The following UBTD1 variants were observed in gnomAD, a reference collection of about 807,000 sequenced individuals.
UBTD1 encodes the protein ubiquitin domain containing 1, also known as ubiquitin domain-containing protein 1.
In UBTD1, 19 loss-of-function variants were observed where a neutral mutation model predicts 21.7. The observed-to-expected ratio is 0.87, with a 90% CI of 0.61 to 1.28. UBTD1 has a LOEUF of 1.28. Ranked by LOEUF, UBTD1 falls within the 50% of genes most tolerant of loss-of-function variation. The pLI, the probability that UBTD1 is intolerant of heterozygous loss-of-function variation, is 0.00. For synonymous variants in UBTD1, 116 were observed against 135.1 expected, an observed-to-expected ratio of 0.86 and a Z score of 0.98; for missense variants, 282 against 315.1, an observed-to-expected ratio of 0.89 and a Z score of 0.80.
intron 1 of UBTD1, among the ~76,000 whole-genome samples, chr10:97,518,074 G>A (rs2040452181): frequency 1.3e-5 from 2 of 152,202 alleles, no homozygotes; most frequent in South Asian, 4.1e-4. Flanking sequence ...AAATCTTGGA[G>A]CACTTGTTTC....
At chr10:97,546,152 C>CCT (rs1564741962) in intron 1 of UBTD1, among the ~76,000 whole-genome samples, 1 of 152,192 alleles carries the variant, frequency 6.6e-6, no homozygotes, top group African/African-American at 2.4e-5. Context: ...ATGGTGAACA[C>CCT]CTCAGTTCAG....
intron 1 of UBTD1, among the ~76,000 whole-genome samples, chr10:97,563,964 G>A (rs754323483): frequency 1.3e-5 from 2 of 152,194 alleles, no homozygotes; most frequent in Non-Finnish European, 2.9e-5. Flanking sequence ...GGAGGAAGAG[G>A]AGAGATCAGG....
chr10:97,530,351 ATGCTGGAGCCCAGGAGTTTGAGGC>A (rs1469545184), intron 1 of UBTD1, among the ~76,000 whole-genome samples: 1 of 152,198 alleles, frequency 6.6e-6, no homozygotes, highest in African/African-American at 2.4e-5. Flanking sequence ...GGCAGGGGGA[ATGCTGGAGCCCAGGAGTTTGAGGC>A]TGCAGTGAGT....
intron 2 of UBTD1, among the ~76,000 whole-genome samples, chr10:97,568,424 A>T (rs963270391): frequency 5.4e-5 from 8 of 147,972 alleles, no homozygotes; most frequent in African/African-American, 1.5e-4. Flanking sequence ...TTTTTATTTT[A>T]TTTTTTTTTT....
chr10:97,511,064 C>T (rs1000021802), intron 1 of UBTD1, among the ~76,000 whole-genome samples: 2 of 152,072 alleles, frequency 1.3e-5, no homozygotes, highest in African/African-American at 2.4e-5. Context: ...CATTGTCAGC[C>T]GCAGATACCT....
chr10:97,545,893 T>C (rs142553065), intron 1 of UBTD1, among the ~76,000 whole-genome samples: 154 of 152,312 alleles, frequency 1.0e-3, no homozygotes, highest in African/African-American at 3.2e-3. Flanking sequence ...CTCAGCTCAC[T>C]GCAACCTTAG....
At chr10:97,548,910 G>C (rs1380488562) in intron 1 of UBTD1, among the ~76,000 whole-genome samples, 1 of 152,236 alleles carries the variant, frequency 6.6e-6, no homozygotes, top group Admixed American at 6.5e-5. Flanking sequence ...AGCTCTGGGA[G>C]ACCACCCTTC....
intron 1 of UBTD1, among the ~76,000 whole-genome samples, chr10:97,549,654 A>G (rs2040627180): frequency 1.3e-5 from 2 of 152,142 alleles, no homozygotes; most frequent in South Asian, 4.1e-4. Flanking sequence ...CTGTACCTCT[A>G]GAGATGCCCG....
At chr10:97,518,693 G>C (rs10882951) in intron 1 of UBTD1, among the ~76,000 whole-genome samples, 83,803 of 152,066 alleles carry the variant, frequency 0.55, 24,057 homozygotes, top group East Asian at 0.93. Flanking sequence ...TGTTCTTGTC[G>C]TTGACTGGAG....
At position 97,548,430 on chromosome 10, in the gene UBTD1, A is replaced by G. The variant is rs182471432; in HGVS notation, c.71-19484A>G. ...GTGCGGTAATTCCCACCTATGTCTT[A>G]CTCTGCTTGTGAAGTATAGTATTCT... On this transcript the variant is annotated intron_variant, in intron 1 of 2. Coordinates refer to ENST00000370664, the MANE Select transcript of UBTD1 (RefSeq NM_024954.5). Among the ~76,000 whole-genome samples, 4 of 152,322 alleles carry G rather than the reference A, an allele frequency of 2.6e-5. No individual in the cohort carries two copies. The East Asian group carries it at 7.7e-4, about 29-fold the overall frequency.
chr10:97,538,957 A>G (rs1032053246), intron 1 of UBTD1, among the ~76,000 whole-genome samples: 1 of 152,144 alleles, frequency 6.6e-6, no homozygotes, highest in Non-Finnish European at 1.5e-5. Context: ...GAACCATGTT[A>G]CAGATGAGTG....
chr10:97,508,671 C>A (rs898321427), intron 1 of UBTD1, among the ~76,000 whole-genome samples: 1 of 152,146 alleles, frequency 6.6e-6, no homozygotes, highest in African/African-American at 2.4e-5. Flanking sequence ...TTTCCTTTCA[C>A]ATTGCTGTCC....
At position 97,522,755 on chromosome 10, in the gene UBTD1, G is replaced by A. The variant is rs985086420; in HGVS notation, c.70+23482G>A. 1.7e-4 allele frequency among the ~76,000 whole-genome samples: 26 copies of A among 152,176 alleles called. 1 individual carries two copies. The highest frequency in any genetic ancestry group is 1.2e-3 in the Admixed American group (18 of 15,280). The stretch of plus-strand genomic sequence containing the variant: ...GTACCTGGCTGGTGGGTGAAGGTGA[G>A]GGTGGGGATAGACATGTAGGAGCCA... On this transcript the variant is annotated intron_variant, in intron 1 of 2. Transcript: ENST00000370664.
intron 1 of UBTD1, among the ~76,000 whole-genome samples, chr10:97,564,316 AC>A (rs1180757884): frequency 6.6e-6 from 1 of 152,166 alleles, no homozygotes; most frequent in Admixed American, 6.5e-5. Context: ...AATGGACTGT[AC>A]CTTCAAATGG....
At chr10:97,554,247 G>GTT (rs71007352) in intron 1 of UBTD1, among the ~76,000 whole-genome samples, 35,762 of 134,708 alleles carry the variant, frequency 0.27, 5,384 homozygotes, top group East Asian at 0.49. Context: ...GTTTGTTTTC[G>GTT]TTTTTTTTTT....
Position 97,570,222 on chromosome 10 carries a change from T to C in UBTD1, c.383T>C (p.Leu128Pro), listed in dbSNP as rs776915862. ...YCLSPPVNLL[L>P]EHTEEESLEP... is the part of the protein sequence containing the mutation. ...CTGTCACCGCCGGTGAACCTGCTGCTGGAGCACACGGAGGAGGAGAGCCTG... is the reference window on the plus strand; with the variant it reads ...CTGTCACCGCCGGTGAACCTGCTGCCGGAGCACACGGAGGAGGAGAGCCTG... Residue 128 changes from leucine to proline, a missense_variant, in exon 3 of 3, where the codon CTG becomes CCG. Leu to Pro is a moderately conservative substitution (Grantham distance 98). Transcript: ENST00000370664. The surrounding 1 kb of genome is among the most constrained non-coding windows in gnomAD (Gnocchi z 6.6). 6 of 1,613,370 alleles carry C rather than the reference T, an allele frequency of 3.7e-6. No homozygotes were observed. The highest frequency in any genetic ancestry group is 5.1e-6 in the Non-Finnish European group (6 of 1,180,008).
intron 1 of UBTD1, among the ~76,000 whole-genome samples, chr10:97,561,824 C>T (rs1221265011): frequency 2.6e-5 from 4 of 152,206 alleles, no homozygotes; most frequent in Non-Finnish European, 5.9e-5. Flanking sequence ...TCATTTGTCA[C>T]ACATAGTCAT....
chr10:97,540,315 T>C (rs2040581800), intron 1 of UBTD1, among the ~76,000 whole-genome samples: 1 of 152,244 alleles, frequency 6.6e-6, no homozygotes, highest in African/African-American at 2.4e-5. Context: ...ATCTTAGAAC[T>C]GCTTCCTGAG....
intron 1 of UBTD1, among the ~76,000 whole-genome samples, chr10:97,566,869 G>C (rs1290936465): frequency 6.6e-6 from 1 of 152,088 alleles, no homozygotes. Flanking sequence ...AAAAGCCTTT[G>C]AGAGATACCT....
Sources: allele counts gnomAD v4.1 joint callset (sites outside exome capture counted in the v4.1 genomes callset), GRCh38; gene constraint gnomAD v4.1.1; non-coding constraint Gnocchi (gnomAD v3.1); transcripts MANE v1.5; gene names NCBI Gene and HGNC (gene_info 2026-07-23, HGNC 2026-07-21).